Variants in GPAM observed in about 807,000 individuals in gnomAD.
GPAM encodes glycerol-3-phosphate acyltransferase, mitochondrial.
A neutral mutation model predicts 105.0 loss-of-function variants in GPAM; 56 were observed. The observed-to-expected ratio is 0.53, with a 90% CI of 0.43 to 0.67. The LOEUF is 0.67. Among genes scored for constraint, GPAM ranks in the 30% least tolerant of loss-of-function variants. GPAM has a pLI of 0.00. For synonymous variants in GPAM, 368 were observed against 354.4 expected (o/e 1.04, Z -0.43); for missense variants, 855 against 989.8 (o/e 0.86, Z 1.83).
Position 112,173,681 on chromosome 10 carries a change from T to C in GPAM, c.560+18A>G, listed in dbSNP as rs1244063414. On this transcript the variant is annotated intron_variant, in intron 7 of 21. Coordinates refer to ENST00000348367, the MANE Select transcript of GPAM (RefSeq NM_001244949.2). ...AGCATGGCTGTGATTGAAAGCTTTC[T>C]GCCTTGCCTTTTAATACCTGATCAT... 6.2e-7 allele frequency: 1 copy of C among 1,612,520 alleles called. No homozygotes were observed. Among genetic ancestry groups the C allele is most frequent in the Non-Finnish European group, 8.5e-7 (1 of 1,178,598 alleles).
upstream of GPAM, chr10:112,215,512 C>G (rs1249998869): frequency 3.3e-5 from 5 of 152,242 alleles, no homozygotes; most frequent in Non-Finnish European, 5.9e-5. Flanking sequence ...ACAAACAGAC[C>G]CAGGCTTCTG....
At chr10:112,216,300 G>A (rs1465893079), upstream of GPAM, among the ~76,000 whole-genome samples, 1 of 152,182 alleles carries the variant, frequency 6.6e-6, no homozygotes, top group Non-Finnish European at 1.5e-5. Flanking sequence ...TGCTGACTGG[G>A]GGCACTGAGG....
At chr10:112,176,407 G>C (rs183230007) in intron 5 of GPAM, among the ~76,000 whole-genome samples, 6 of 152,238 alleles carry the variant, frequency 3.9e-5, no homozygotes, top group Admixed American at 3.3e-4. Context: ...AATGCTACAA[G>C]CTTTCATTAT....
chr10:112,170,655 GGTTCCTT>G (rs146240108), intron 9 of GPAM, among the ~76,000 whole-genome samples: 17,307 of 152,094 alleles, frequency 0.11, 1,051 homozygotes, highest in South Asian at 0.2. Context: ...TCAGTTTCCC[GGTTCCTT>G]GTTCCTGGAG....
chr10:112,163,345 G>A (rs1364031123), intron 14 of GPAM, among the ~76,000 whole-genome samples: 1 of 152,194 alleles, frequency 6.6e-6, no homozygotes, highest in African/African-American at 2.4e-5. Context: ...GGGGTCAAAG[G>A]AGAAATGGAC....
In GPAM at chr10:112,156,118, A is replaced by C. The variant is rs1589576774; in HGVS notation, c.2122-65T>G. ...GACAAGAGACACAAGGCAAGTGGAC[A>C]GAGGACTTTCTCTGGAGAGCCAGTA... On this transcript the variant is annotated intron_variant, in intron 19 of 21. Transcript: ENST00000348367. 5 of 1,137,398 alleles carry C rather than the reference A, an allele frequency of 4.4e-6. No individual in the cohort carries two copies. The East Asian group carries it at 1.2e-4, about 28-fold the overall frequency. The allele number at this position is 1,137,398 out of a possible 1,614,324, so 70.5% of individuals were successfully genotyped here. A position where few individuals can be genotyped will look rare whatever the true frequency, so the allele number is the denominator to read the frequency against.
rs144051314 is a variant in GPAM at position 112,151,477 on chromosome 10, T to C, written c.*2073A>G. On this transcript the variant is annotated 3_prime_UTR_variant, in exon 22 of 22. Transcript: ENST00000348367. ...AAGCACCAGTTAATTACAAAAAGCA[T>C]GCATATTTATCCTCACAGTGAGTTA... The C allele has an allele frequency of 8.9e-3, 8,800 of 985,818 alleles. 47 individuals are homozygous for C. Among genetic ancestry groups the C allele is most frequent in the Non-Finnish European group, 9.8e-3 (8,117 of 829,858 alleles). The allele number at this position is 985,818 out of a possible 1,614,324, so 61.1% of individuals were successfully genotyped here. A position where few individuals can be genotyped will look rare whatever the true frequency, so the allele number is the denominator to read the frequency against.
At chr10:112,201,963 A>G (rs1201791903) in intron 1 of GPAM, among the ~76,000 whole-genome samples, 3 of 152,254 alleles carry the variant, frequency 2.0e-5, no homozygotes, top group African/African-American at 7.2e-5. Context: ...ATTAACTTGC[A>G]CAACAGCCCT....
intron 1 of GPAM, among the ~76,000 whole-genome samples, chr10:112,196,017 G>C (rs552673457): frequency 1.8e-4 from 28 of 152,202 alleles, no homozygotes; most frequent in African/African-American, 6.5e-4. Flanking sequence ...AAAACTAGGG[G>C]CCCTGATCTC....
At position 112,183,724 on chromosome 10, in the gene GPAM, G is replaced by A. The variant is rs1847551176; in HGVS notation, c.-159C>T. 1 of 152,394 alleles carries A rather than the reference G, an allele frequency of 6.6e-6. No individual in the cohort carries two copies. Among genetic ancestry groups the A allele is most frequent in the African/African-American group, 2.4e-5 (1 of 41,480 alleles). 9.4% of individuals were successfully genotyped at this position (152,394 alleles called of 1,614,324 possible). ...AGCTCCAGCTTCGGCTGCTGCAGAAGCCCGCACTTCCAGTCCCGGCCAATG... is the reference window on the plus strand; with the variant it reads ...AGCTCCAGCTTCGGCTGCTGCAGAAACCCGCACTTCCAGTCCCGGCCAATG... On this transcript the variant is annotated 5_prime_UTR_variant, in exon 1 of 22. Coordinates refer to ENST00000348367, the MANE Select transcript of GPAM (RefSeq NM_001244949.2).
At chr10:112,195,323 C>A (rs1589605513) in intron 1 of GPAM, among the ~76,000 whole-genome samples, 1 of 152,304 alleles carries the variant, frequency 6.6e-6, no homozygotes, top group Middle Eastern at 3.4e-3. Context: ...TGTTAAATAC[C>A]TAGCTCAGTC....
chr10:112,219,082 C>T (rs1482549163), upstream of GPAM, among the ~76,000 whole-genome samples: 1 of 152,186 alleles, frequency 6.6e-6, no homozygotes, highest in African/African-American at 2.4e-5. Context: ...ATTTTACCAG[C>T]CCCTATTCAA....
intron 4 of GPAM, among the ~76,000 whole-genome samples, chr10:112,178,275 C>T (rs151114651): frequency 3.9e-5 from 6 of 152,238 alleles, no homozygotes; most frequent in Admixed American, 6.5e-5. Flanking sequence ...ACTAGCCAGG[C>T]GCAGTGGCTC....
rs1378972788 is a variant in GPAM at position 112,168,889 on chromosome 10, T to A, written c.858A>T (p.Gly286=). The A allele has an allele frequency of 6.2e-7, 1 of 1,611,310 alleles. No individual in the cohort carries two copies. The highest frequency in any genetic ancestry group is 1.6e-4 in the Middle Eastern group (1 of 6,078). The part of the protein sequence containing the change: ...IRRRLDETPD[G]RKDVLYRALL... Reference sequence around the variant, plus strand: ...AAGCTCTATAGAGAACATCTTTCCGTCCATCTGGTGTTTCATCGAGCCTTC... The same window carrying A: ...AAGCTCTATAGAGAACATCTTTCCGACCATCTGGTGTTTCATCGAGCCTTC... The change falls in exon 10 of 22, where the codon GGA becomes GGT. Residue 286 remains glycine, a synonymous_variant. Transcript: ENST00000348367.
At chr10:112,208,570 CAGGCTGGGAAATCAAAAACTAAGA>C (rs1847876048) in intron 1 of GPAM, among the ~76,000 whole-genome samples, 1 of 152,160 alleles carries the variant, frequency 6.6e-6, no homozygotes, top group South Asian at 2.1e-4. Flanking sequence ...CACTCTGCTA[CAGGCTGGGAAATCAAAAACTAAGA>C]AGGATATCCC....
At chr10:112,218,299 GTC>G (rs1168090685), upstream of GPAM, among the ~76,000 whole-genome samples, 4 of 152,206 alleles carry the variant, frequency 2.6e-5, no homozygotes, top group East Asian at 7.7e-4. Context: ...GATCATGGGA[GTC>G]TCAAGATGCA....
the GPAM span, among the ~76,000 whole-genome samples, chr10:112,226,483 C>G: frequency 6.6e-6 from 1 of 152,118 alleles, no homozygotes; most frequent in South Asian, 2.1e-4. Context: ...CCCAGTTGCA[C>G]CCTGTGTTGG....
chr10:112,151,606 G>A lies in GPAM; in HGVS notation c.*1944C>T, dbSNP rs11195831. The A allele has an allele frequency of 6.6e-3, 6,481 of 985,560 alleles. 25 individuals carry two copies. Among genetic ancestry groups the A allele is most frequent in the Non-Finnish European group, 6.9e-3 (5,726 of 829,896 alleles). 61.1% of individuals were successfully genotyped at this position (985,560 alleles called of 1,614,324 possible). ...AAGGGAAAATAATGCAAGAGAAGCC[G>A]TATTTTCTTTGCTTAGGTTGGCAAA... On this transcript the variant is annotated 3_prime_UTR_variant, in exon 22 of 22. Coordinates refer to ENST00000348367, the MANE Select transcript of GPAM (RefSeq NM_001244949.2).
chr10:112,150,587 G>T lies in GPAM; in HGVS notation c.*2963C>A. On this transcript the variant is annotated 3_prime_UTR_variant, in exon 22 of 22. Transcript: ENST00000348367. ...TATCTAACATAGTGTTTCCCAAAATGTTCTCCACAGGACATTAGTGAGAGG... is the reference window on the plus strand; with the variant it reads ...TATCTAACATAGTGTTTCCCAAAATTTTCTCCACAGGACATTAGTGAGAGG... The T allele has an allele frequency of 1.0e-6, 1 of 972,570 alleles. No homozygotes were observed. The highest frequency in any genetic ancestry group is 1.2e-6 in the Non-Finnish European group (1 of 818,040). 60.2% of individuals were successfully genotyped at this position (972,570 alleles called of 1,614,324 possible). A position where few individuals can be genotyped will look rare whatever the true frequency, so the allele number is the denominator to read the frequency against.
Sources: gnomAD v4.1 joint callset for allele counts (sites outside exome capture counted in the v4.1 genomes callset) on GRCh38, gnomAD v4.1.1 for gene constraint, MANE v1.5 for transcripts, NCBI Gene and HGNC (gene_info 2026-07-23, HGNC 2026-07-21) for gene names.